The following PDE6A variants were observed in gnomAD, a reference collection of about 807,000 sequenced individuals.
The protein encoded by PDE6A is phosphodiesterase 6A.
A neutral mutation model predicts 106.3 loss-of-function variants in PDE6A; 84 were observed. That is an observed-to-expected ratio of 0.79 (90% CI 0.66 to 0.95). The LOEUF (loss-of-function observed/expected upper bound fraction) is 0.95. Ranked by LOEUF, PDE6A falls within the 40% of genes least tolerant of loss-of-function variation. PDE6A has a pLI of 0.00. For synonymous variants in PDE6A, 394 were observed against 386.6 expected (o/e 1.02, Z -0.23); for missense variants, 1,052 against 1,084.9 (o/e 0.97, Z 0.43).
intron 1 of PDE6A, 59 bp from the exon 2 acceptor site, chr5:149,934,777 G>T (rs1202829919): frequency 3.2e-6 from 5 of 1,554,120 alleles, no homozygotes; most frequent in African/African-American, 2.7e-5. Flanking sequence ...CAGTGGAACG[G>T]CCCAAAGCCC....
chr5:149,900,478 AG>A (rs1156806020), intron 8 of PDE6A, among the ~76,000 whole-genome samples: 1 of 149,470 alleles, frequency 6.7e-6, no homozygotes, highest in African/African-American at 2.4e-5. Flanking sequence ...TCTTGTCCTC[AG>A]GTTGCTCATA....
rs773311414 is a variant in PDE6A at position 149,896,817 on chromosome 5, C to T, written c.1408-41G>A. 4.4e-6 allele frequency: 7 copies of T among 1,603,722 alleles called. No individual in the cohort carries two copies. In the Middle Eastern group the frequency reaches 6.6e-4, roughly 152 times the overall value. ...ATGGCAGGGGAAAAAAAATAGGTTA[C>T]AACATGCCTCCGCGTTTCCATTCCC... On this transcript the variant is annotated intron_variant, in intron 10 of 21. Transcript: ENST00000255266.
Position 149,944,371 on chromosome 5 carries a change from G to A in PDE6A, c.303C>T (p.Thr101=), listed in dbSNP as rs759345343. Residue 101 remains threonine (T), a synonymous_variant, in exon 1 of 22, where the codon ACC becomes ACT. Transcript: ENST00000255266. ...TGGCCAGCTCTGCGATGCCATTGCGGGTCCGGTACATGAACAGGCTCATGC... is the reference window on the plus strand; with the variant it reads ...TGGCCAGCTCTGCGATGCCATTGCGAGTCCGGTACATGAACAGGCTCATGC... ...ADRMSLFMYR[T]RNGIAELATR... The A allele has an allele frequency of 4.3e-6, 7 of 1,614,008 alleles. No homozygotes were observed. The highest frequency in any genetic ancestry group is 1.1e-5 in the South Asian group (1 of 91,070).
At chr5:149,889,957 A>ATT (rs111949887) in intron 13 of PDE6A, among the ~76,000 whole-genome samples, 83 of 121,378 alleles carry the variant, frequency 6.8e-4, no homozygotes, top group African/African-American at 1.7e-3. Context: ...AGTCATATTC[A>ATT]TTTTTTTTTT....
At chr5:149,867,866 A>C in intron 18 of PDE6A, 67 bp from the exon 19 acceptor site, 1 of 1,449,962 alleles carries the variant, frequency 6.9e-7, no homozygotes, top group East Asian at 2.3e-5. Flanking sequence ...CCCTGCTCCC[A>C]CCCCACTTGC....
chr5:149,898,698 A>G (rs1272295980), intron 9 of PDE6A, among the ~76,000 whole-genome samples, 192 bp from the exon 10 acceptor site: 2 of 152,156 alleles, frequency 1.3e-5, no homozygotes, highest in Non-Finnish European at 2.9e-5. Context: ...ACTGTACATA[A>G]AGCACTAACA....
intron 7 of PDE6A, among the ~76,000 whole-genome samples, chr5:149,906,525 A>G (rs1753193176): frequency 1.4e-5 from 2 of 147,474 alleles, no homozygotes; most frequent in South Asian, 4.4e-4. Flanking sequence ...CTGTCAAAAA[A>G]AAAAAAAAAA....
intron 4 of PDE6A, among the ~76,000 whole-genome samples, chr5:149,925,070 A>T (rs553954105): frequency 6.6e-6 from 1 of 152,194 alleles, no homozygotes; most frequent in East Asian, 1.9e-4. Flanking sequence ...CTTTACCCCA[A>T]CTGCTTGCCA....
chr5:149,880,943 G>T (rs1344446404), intron 17 of PDE6A, among the ~76,000 whole-genome samples: 1 of 151,592 alleles, frequency 6.6e-6, no homozygotes, highest in Non-Finnish European at 1.5e-5. Context: ...GGTGCCTGTA[G>T]TCCCAGCTAC....
intron 6 of PDE6A, among the ~76,000 whole-genome samples, chr5:149,910,448 TTTTAC>T (rs2113621012): frequency 6.6e-6 from 1 of 152,316 alleles, no homozygotes; most frequent in South Asian, 2.1e-4. Context: ...CACTTGTAAT[TTTTAC>T]TTTATTCAGA....
intron 4 of PDE6A, among the ~76,000 whole-genome samples, chr5:149,923,129 T>C (rs926751573): frequency 6.6e-6 from 1 of 152,220 alleles, no homozygotes; most frequent in African/African-American, 2.4e-5. Flanking sequence ...TCTTTGAACC[T>C]CTTCTGGTTT....
intron 21 of PDE6A, among the ~76,000 whole-genome samples, chr5:149,862,248 C>T (rs1320876598): frequency 6.6e-6 from 1 of 152,178 alleles, no homozygotes; most frequent in Non-Finnish European, 1.5e-5. Context: ...TTAGAACAAA[C>T]AAATCCCATT....
chr5:149,914,366 C>A (rs1216375393), intron 6 of PDE6A, among the ~76,000 whole-genome samples: 1 of 152,008 alleles, frequency 6.6e-6, no homozygotes, highest in African/African-American at 2.4e-5. Context: ...GAATGAGTAT[C>A]TTTTGGAAGT....
At chr5:149,915,443 AGTT>A (rs2113629528) in intron 5 of PDE6A, among the ~76,000 whole-genome samples, 1 of 152,306 alleles carries the variant, frequency 6.6e-6, no homozygotes, top group African/African-American at 2.4e-5. Flanking sequence ...GATATACAGT[AGTT>A]GTACATATTT....
intron 7 of PDE6A, among the ~76,000 whole-genome samples, chr5:149,906,664 C>G (rs548838393): frequency 6.6e-6 from 1 of 152,226 alleles, no homozygotes; most frequent in Non-Finnish European, 1.5e-5. Flanking sequence ...CCATACACAG[C>G]ACACTGCTCC....
rs1415699831 is a variant in PDE6A at position 149,863,649 on chromosome 5, A to C, written c.2359-383T>G. 6.6e-6 allele frequency among the ~76,000 whole-genome samples: 1 copy of C among 151,810 alleles called. No homozygotes were observed. The highest frequency in any genetic ancestry group is 1.5e-5 in the Non-Finnish European group (1 of 67,944). On this transcript the variant is annotated intron_variant, in intron 20 of 21. Transcript: ENST00000255266. This position sits in a 1 kb window ranked among gnomAD's most constrained non-coding sequence, Gnocchi z 4.7. ...TTTCTTTTTTTTTTCTTTCCAAGAC[A>C]GGGCCTCACTGTCATCCAGGCTGGA...
At chr5:149,928,226 T>G in intron 4 of PDE6A, among the ~76,000 whole-genome samples, 1 of 62,024 alleles carries the variant, frequency 1.6e-5, no homozygotes, top group African/African-American at 1.0e-4. Flanking sequence ...TATATATATA[T>G]ATATATTTTT....
chr5:149,897,390 G>A (rs1479813212), intron 10 of PDE6A, among the ~76,000 whole-genome samples: 1 of 152,156 alleles, frequency 6.6e-6, no homozygotes, highest in Non-Finnish European at 1.5e-5. Flanking sequence ...CTGGTTCACC[G>A]AGGCTGTGCC....
intron 6 of PDE6A, among the ~76,000 whole-genome samples, chr5:149,909,749 T>C (rs1261721372): frequency 6.6e-6 from 1 of 152,232 alleles, no homozygotes; most frequent in Non-Finnish European, 1.5e-5. Flanking sequence ...TTTTATTTTT[T>C]ACAGAGGCTT....
Sources: allele counts gnomAD v4.1 joint callset (sites outside exome capture counted in the v4.1 genomes callset), GRCh38; gene constraint gnomAD v4.1.1; non-coding constraint Gnocchi (gnomAD v3.1); transcripts MANE v1.5; gene names NCBI Gene and HGNC (gene_info 2026-07-23, HGNC 2026-07-21).